MAST4: variants seen among roughly 807,000 people sequenced by gnomAD.
MAST4 encodes the protein microtubule associated serine/threonine kinase family member 4.
MAST4 carries 89 observed loss-of-function variants against 162.7 expected under a neutral mutation model. The ratio of observed to expected loss-of-function variants is 0.55; its 90% CI spans 0.46 to 0.65. MAST4 has a LOEUF of 0.65. MAST4 is among the 30% of genes least tolerant of loss of function. The probability of loss-of-function intolerance (pLI) is 0.00; values close to 1 mark genes in which losing one functional copy is unlikely to be tolerated. For synonymous variants in MAST4, 1,479 were observed against 1,361.1 expected (o/e 1.09, Z -1.91); for missense variants, 3,153 against 3,374.0 (o/e 0.93, Z 1.62).
At chr5:66,773,530 A>C (rs964227953) in intron 2 of MAST4, among the ~76,000 whole-genome samples, 1 of 152,310 alleles carries the variant, frequency 6.6e-6, no homozygotes, top group East Asian at 1.9e-4. Flanking sequence ...TAGAGGGGGA[A>C]TCATGTCATG....
intron 3 of MAST4, among the ~76,000 whole-genome samples, chr5:66,823,618 C>T (rs1254360159): frequency 6.6e-6 from 1 of 152,096 alleles, no homozygotes; most frequent in African/African-American, 2.4e-5. Flanking sequence ...GCTGGGATTA[C>T]AGGTGTGTGT....
At chr5:66,936,544 C>T (rs950694680) in intron 4 of MAST4, among the ~76,000 whole-genome samples, 5 of 152,054 alleles carry the variant, frequency 3.3e-5, no homozygotes, top group African/African-American at 7.2e-5. Context: ...TGTTCTCTGA[C>T]GGGCAGGAGT....
intron 1 of MAST4, among the ~76,000 whole-genome samples, chr5:66,756,253 C>T (rs1221307684): frequency 6.6e-6 from 1 of 152,128 alleles, no homozygotes; most frequent in East Asian, 1.9e-4. Context: ...AAATTTTAAG[C>T]AAATCCAGTC....
intron 1 of MAST4, among the ~76,000 whole-genome samples, chr5:66,620,796 T>C (rs1744028617): frequency 6.6e-6 from 1 of 152,076 alleles, no homozygotes; most frequent in African/African-American, 2.4e-5. Flanking sequence ...TTTTTTTAAA[T>C]GTCTCACCAG....
At chr5:66,679,003 G>A (rs1748147957) in intron 1 of MAST4, among the ~76,000 whole-genome samples, 1 of 152,162 alleles carries the variant, frequency 6.6e-6, no homozygotes. Context: ...TGTTGGCCAG[G>A]CTGGTCTCAA....
intron 3 of MAST4, among the ~76,000 whole-genome samples, chr5:66,811,128 G>T (rs976063372): frequency 1.3e-5 from 2 of 152,174 alleles, no homozygotes; most frequent in African/African-American, 4.8e-5. Flanking sequence ...GGCCTCTCCT[G>T]TGCGGCCACC....
At chr5:66,620,715 T>C (rs1481093387) in intron 1 of MAST4, among the ~76,000 whole-genome samples, 1 of 152,192 alleles carries the variant, frequency 6.6e-6, no homozygotes, top group Non-Finnish European at 1.5e-5. Flanking sequence ...TTTTTCGTCC[T>C]GCCTCTGTGT....
rs1581737827 is a variant in MAST4 at position 67,152,757 on chromosome 5, A to C, written c.3416A>C (p.His1139Pro). The change falls in exon 25 of 29, where the codon CAT becomes CCT. Residue 1139 changes from histidine (H) to proline (P), a missense_variant. His to Pro is a moderately conservative substitution (Grantham distance 77). This residue lies in a region of MAST4 where 619 missense variants were observed against 744.2 expected (regional missense o/e 0.83). Transcript: ENST00000403625. ...TCCTCAGCAGCTTCTGCCAGTCCAC[A>C]TCAGCCGATTGTGATCCACAGTTCG... Reference protein sequence around the residue: ...RDSSAASASPHQPIVIHSSGK... With the variant: ...RDSSAASASPPQPIVIHSSGK... The C allele has an allele frequency of 6.2e-7, 1 of 1,614,038 alleles. No homozygotes were observed. The highest frequency in any genetic ancestry group is 1.3e-5 in the African/African-American group (1 of 75,066).
chr5:66,893,290 C>G (rs1293718641), intron 3 of MAST4, among the ~76,000 whole-genome samples: 1 of 152,122 alleles, frequency 6.6e-6, no homozygotes, highest in Non-Finnish European at 1.5e-5. Context: ...ACTGCAACCT[C>G]CGCCTTCTGG....
At chr5:66,968,752 A>G (rs1427315471) in intron 4 of MAST4, among the ~76,000 whole-genome samples, 2 of 152,208 alleles carry the variant, frequency 1.3e-5, no homozygotes, top group African/African-American at 4.8e-5. Flanking sequence ...TTATTCTTCT[A>G]TAAATAGTAA....
At chr5:67,029,977 A>G (rs944680610) in intron 4 of MAST4, among the ~76,000 whole-genome samples, 1 of 152,092 alleles carries the variant, frequency 6.6e-6, no homozygotes, top group Non-Finnish European at 1.5e-5. Flanking sequence ...TCTCTAAATT[A>G]TATACTTAAA....
Position 67,090,190 on chromosome 5 carries a change from T to C in MAST4, c.792T>C (p.Asn264=), listed in dbSNP as rs1477833840. ...ATAGCCCTCAAGATAGTCCAAGAAA[T>C]TTCTCCCCCAGTGCCTCAGCCCATT... is the stretch of plus-strand genomic sequence containing the variant. ...AGNSPQDSPR[N]FSPSASAHFS... is the part of the protein sequence containing the mutation. Residue 264 remains asparagine (N), a synonymous_variant, in exon 6 of 29, where the codon AAT becomes AAC. Transcript: ENST00000403625. 1.9e-6 allele frequency: 3 copies of C among 1,612,716 alleles called. No individual in the cohort carries two copies. The highest frequency in any genetic ancestry group is 1.7e-5 in the Admixed American group (1 of 59,950).
intron 4 of MAST4, among the ~76,000 whole-genome samples, chr5:66,921,720 C>T (rs1052845806): frequency 3.3e-5 from 5 of 152,184 alleles, no homozygotes; most frequent in Admixed American, 1.3e-4. Flanking sequence ...GATCATTCCA[C>T]TGCACTTCAG....
chr5:67,004,912 C>A, intron 4 of MAST4: 1 of 689,136 alleles, frequency 1.5e-6, no homozygotes, highest in Admixed American at 2.2e-5. Flanking sequence ...TTATTTTTGG[C>A]CTTGTCTTTC....
At chr5:66,967,058 TACCACAGAAAAA>T (rs1746821939) in intron 4 of MAST4, among the ~76,000 whole-genome samples, 1 of 152,220 alleles carries the variant, frequency 6.6e-6, no homozygotes, top group Non-Finnish European at 1.5e-5. Flanking sequence ...TTCATGCTGT[TACCACAGAAAAA>T]GCATGTTTTG....
chr5:66,797,328 G>A (rs57945900), intron 3 of MAST4, among the ~76,000 whole-genome samples: 1 of 152,098 alleles, frequency 6.6e-6, no homozygotes, highest in African/African-American at 2.4e-5. Context: ...GGAAATCCCT[G>A]GTTATTGTGG....
chr5:66,653,668 C>T (rs530995702), intron 1 of MAST4, among the ~76,000 whole-genome samples: 1 of 152,280 alleles, frequency 6.6e-6, no homozygotes, highest in Non-Finnish European at 1.5e-5. Flanking sequence ...CTTTGCTGGC[C>T]TCCTCTCACT....
chr5:67,029,840 A>G (rs1755097182), intron 4 of MAST4, among the ~76,000 whole-genome samples: 1 of 152,162 alleles, frequency 6.6e-6, no homozygotes, highest in Non-Finnish European at 1.5e-5. Context: ...TGACTTTATA[A>G]TTTGATATTA....
intron 4 of MAST4, among the ~76,000 whole-genome samples, chr5:66,921,443 G>A (rs746004213): frequency 6.6e-6 from 1 of 151,982 alleles, no homozygotes; most frequent in Non-Finnish European, 1.5e-5. Flanking sequence ...TGTAAAAGAT[G>A]AAAAAATAGT....
Sources: gnomAD v4.1 joint callset for allele counts (sites outside exome capture counted in the v4.1 genomes callset) on GRCh38, gnomAD v4.1.1 for gene constraint, gnomAD v4.1.1 regional missense constraint, MANE v1.5 for transcripts, NCBI Gene and HGNC (gene_info 2026-07-23, HGNC 2026-07-21) for gene names.